Variants in SIPA1L3 observed in about 807,000 individuals in gnomAD.
SIPA1L3 encodes the protein signal-induced proliferation-associated 1-like protein 3.
A neutral mutation model predicts 150.1 loss-of-function variants in SIPA1L3; 59 were observed. That is an observed-to-expected ratio of 0.39 (90% CI 0.32 to 0.49). SIPA1L3 has a LOEUF of 0.49. Ranked by LOEUF, SIPA1L3 falls within the 20% of genes least tolerant of loss-of-function variation. The pLI is 0.86. For missense variants in SIPA1L3, 2,211 were observed against 2,489.5 expected, an observed-to-expected ratio of 0.89 and a Z score of 2.38; for synonymous variants, 1,070 against 1,077.6, an observed-to-expected ratio of 0.99 and a Z score of 0.14.
intron 1 of SIPA1L3, among the ~76,000 whole-genome samples, chr19:37,972,539 CA>C (rs1966969667): frequency 6.6e-6 from 1 of 151,990 alleles, no homozygotes. Flanking sequence ...CCCATCTCTA[CA>C]AAAAATTTAA....
chr19:38,133,566 C>T (rs1971364553), intron 10 of SIPA1L3, among the ~76,000 whole-genome samples: 1 of 151,932 alleles, frequency 6.6e-6, no homozygotes, highest in African/African-American at 2.4e-5. Context: ...AGGCCTTGGC[C>T]TCATGGAGTG....
intron 4 of SIPA1L3, among the ~76,000 whole-genome samples, chr19:38,091,646 C>A (rs1477686801): frequency 6.6e-6 from 1 of 152,178 alleles, no homozygotes; most frequent in Non-Finnish European, 1.5e-5. Flanking sequence ...TGTGTTCTGG[C>A]CGCCGCACTC....
chr19:38,092,404 C>A (rs914165823), intron 4 of SIPA1L3, among the ~76,000 whole-genome samples: 1 of 151,922 alleles, frequency 6.6e-6, no homozygotes, highest in African/African-American at 2.4e-5. Context: ...GTCACACATA[C>A]TGAGAGTCGT....
chr19:38,100,522 C>T lies in SIPA1L3; in HGVS notation c.1854+372C>T, dbSNP rs112862951. ...TGTTAGAATTACAGCCACATGCAGA[C>T]CCCAGCAGGCTGACCCTGGTCACAG... On this transcript the variant is annotated intron_variant, in intron 5 of 21. Transcript: ENST00000222345. Among the ~76,000 whole-genome samples the T allele has an allele frequency of 2.0e-3, 301 of 152,294 alleles. 2 individuals are homozygous for T. Among genetic ancestry groups the T allele is most frequent in the African/African-American group, 7.0e-3 (292 of 41,556 alleles).
At chr19:38,018,736 A>T (rs1439346047) in intron 1 of SIPA1L3, among the ~76,000 whole-genome samples, 1 of 152,080 alleles carries the variant, frequency 6.6e-6, no homozygotes, top group Non-Finnish European at 1.5e-5. Flanking sequence ...CTGGGCTTAA[A>T]TTCATTCTGG....
intron 1 of SIPA1L3, among the ~76,000 whole-genome samples, chr19:37,923,253 C>T (rs2046472667): frequency 6.6e-6 from 1 of 152,166 alleles, no homozygotes; most frequent in Non-Finnish European, 1.5e-5. Flanking sequence ...CACAGTGGGG[C>T]TGTGTTCTGA....
chr19:38,144,292 A>G (rs1283196809), intron 12 of SIPA1L3, among the ~76,000 whole-genome samples: 1 of 152,240 alleles, frequency 6.6e-6, no homozygotes, highest in Non-Finnish European at 1.5e-5. Flanking sequence ...CAGAGAGGGT[A>G]AGCGTGCTCT....
intron 15 of SIPA1L3, among the ~76,000 whole-genome samples, chr19:38,177,371 A>AAAT (rs928691107): frequency 2.0e-5 from 3 of 151,458 alleles, no homozygotes; most frequent in African/African-American, 7.3e-5. Flanking sequence ...AAAAAAAAAA[A>AAAT]AAAAAATTCT....
intron 1 of SIPA1L3, among the ~76,000 whole-genome samples, chr19:37,961,797 A>G (rs547721312): frequency 6.6e-6 from 1 of 151,994 alleles, no homozygotes; most frequent in Non-Finnish European, 1.5e-5. Context: ...AGGCCTGTTT[A>G]TTCGTATTCA....
intron 1 of SIPA1L3, among the ~76,000 whole-genome samples, chr19:37,922,769 G>C (rs1724424904): frequency 2.0e-5 from 3 of 152,026 alleles, no homozygotes. Context: ...GAGGAAAACA[G>C]ACAAGGGTTC....
intron 1 of SIPA1L3, among the ~76,000 whole-genome samples, chr19:38,004,242 C>G (rs1325005310): frequency 6.6e-6 from 1 of 152,190 alleles, no homozygotes; most frequent in Non-Finnish European, 1.5e-5. Context: ...TGGCCAAATT[C>G]CTGTACTGCA....
intron 1 of SIPA1L3, among the ~76,000 whole-genome samples, chr19:37,991,169 T>C (rs1462683424): frequency 6.6e-6 from 1 of 152,046 alleles, no homozygotes; most frequent in East Asian, 1.9e-4. Flanking sequence ...GAGGCAGAGG[T>C]TGCTGTGAGC....
At chr19:37,937,348 A>G (rs2046609460) in intron 1 of SIPA1L3, among the ~76,000 whole-genome samples, 1 of 152,192 alleles carries the variant, frequency 6.6e-6, no homozygotes, top group Non-Finnish European at 1.5e-5. Context: ...CCTATGTGGT[A>G]CTTCCCATTC....
intron 9 of SIPA1L3, among the ~76,000 whole-genome samples, chr19:38,125,489 C>T (rs1244224742): frequency 6.6e-6 from 1 of 152,204 alleles, no homozygotes; most frequent in Non-Finnish European, 1.5e-5. Flanking sequence ...CACCCCCGTG[C>T]CTACTGTTGG....
chr19:38,129,057 G>A (rs1311504184), intron 9 of SIPA1L3, among the ~76,000 whole-genome samples: 2 of 152,176 alleles, frequency 1.3e-5, no homozygotes, highest in South Asian at 2.1e-4. Flanking sequence ...TTTTAGGAAA[G>A]GGCAGGCATT....
At chr19:38,151,590 CCTT>C (rs2145958590) in intron 12 of SIPA1L3, among the ~76,000 whole-genome samples, 1 of 152,272 alleles carries the variant, frequency 6.6e-6, no homozygotes, top group Non-Finnish European at 1.5e-5. Context: ...AGGGAGAAGA[CCTT>C]CTACCACAAC....
intron 5 of SIPA1L3, 52 bp from the exon 6 acceptor site, chr19:38,101,000 C>G: frequency 6.7e-7 from 1 of 1,494,014 alleles, no homozygotes; most frequent in South Asian, 1.4e-5. Context: ...GCTCCCTTCC[C>G]TCTGCCATCT....
At chr19:38,173,117 A>G (rs1427979256) in intron 15 of SIPA1L3, among the ~76,000 whole-genome samples, 1 of 152,232 alleles carries the variant, frequency 6.6e-6, no homozygotes, top group Non-Finnish European at 1.5e-5. Flanking sequence ...TGATAATAAT[A>G]AAATGTAAAA....
At chr19:38,176,788 A>G (rs1972443537) in intron 15 of SIPA1L3, among the ~76,000 whole-genome samples, 1 of 152,058 alleles carries the variant, frequency 6.6e-6, no homozygotes, top group South Asian at 2.1e-4. Context: ...CCTGACCAAT[A>G]TGGAGAAACC....
Sources: gnomAD v4.1 joint callset for allele counts (sites outside exome capture counted in the v4.1 genomes callset) on GRCh38, gnomAD v4.1.1 for gene constraint, MANE v1.5 for transcripts, NCBI Gene and HGNC (gene_info 2026-07-23, HGNC 2026-07-21) for gene names.